The following PCDHGB4 variants were observed in gnomAD, a reference collection of about 807,000 sequenced individuals.
PCDHGB4 encodes the protein protocadherin gamma subfamily B, 4, also known as protocadherin gamma-B4.
Under a neutral mutation model 60.5 loss-of-function variants are expected in PCDHGB4, and 38 were observed. The ratio of observed to expected loss-of-function variants is 0.63; its 90% CI spans 0.48 to 0.82. The LOEUF (loss-of-function observed/expected upper bound fraction) is 0.82, where lower values mean the gene tolerates loss of function less well. PCDHGB4 is among the 40% of genes least tolerant of loss of function. The pLI is 0.00. For missense variants in PCDHGB4, 1,109 were observed against 1,209.6 expected (o/e 0.92, Z 1.23); for synonymous variants, 456 against 509.7 (o/e 0.89, Z 1.42).
At chr5:141,481,524 A>G (rs186970700) in intron 1 of PCDHGB4, among the ~76,000 whole-genome samples, 4 of 152,240 alleles carry the variant, frequency 2.6e-5, no homozygotes, top group African/African-American at 9.6e-5. Flanking sequence ...CTCAGTAAAA[A>G]TCTAGAGATG....
rs188373658 is a variant in PCDHGB4 at position 141,492,228 on chromosome 5, C to T, written c.2398-2579C>T. ...TGCGCGCGGGGCTCATGCGTGTCCT[C>T]CCTGCTGGCCACCCCCACGGCCCAC... On this transcript the variant is annotated intron_variant, in intron 1 of 3. Coordinates refer to ENST00000519479, the MANE Select transcript of PCDHGB4 (RefSeq NM_003736.4). Among the ~76,000 whole-genome samples the T allele has an allele frequency of 5.3e-5, 8 of 152,292 alleles. No individual in the cohort carries two copies. In the East Asian group the frequency reaches 1.2e-3, roughly 22 times the overall value.
At chr5:141,429,647 T>C (rs1430094173) in intron 1 of PCDHGB4, among the ~76,000 whole-genome samples, 2 of 152,272 alleles carry the variant, frequency 1.3e-5, no homozygotes, top group African/African-American at 4.8e-5. Flanking sequence ...TATATATTTC[T>C]TCCCAATTTA....
At chr5:141,461,738 C>A (rs2099021378) in intron 1 of PCDHGB4, among the ~76,000 whole-genome samples, 1 of 150,904 alleles carries the variant, frequency 6.6e-6, no homozygotes. Flanking sequence ...TGGCACAATC[C>A]CGGCTCCCAG....
Position 141,486,786 on chromosome 5 carries a change from G to A in PCDHGB4, c.2398-8021G>A, listed in dbSNP as rs1360545946. The A allele has an allele frequency of 1.9e-6, 3 of 1,614,090 alleles. No individual in the cohort carries two copies. The highest frequency in any genetic ancestry group is 2.2e-5 in the East Asian group (1 of 44,892). ...ACACTGCAGTTTGAGGTGCAGGCCC[G>A]GGATCGGGGCAACCCACCCCTTAGC... is the stretch of plus-strand genomic sequence containing the variant. On this transcript the variant is annotated intron_variant, in intron 1 of 3. Coordinates refer to ENST00000519479, the MANE Select transcript of PCDHGB4 (RefSeq NM_003736.4). This position sits in a 1 kb window ranked among gnomAD's most constrained non-coding sequence, Gnocchi z 5.0.
In PCDHGB4 at chr5:141,500,527, A is replaced by C. The variant is rs937551961; in HGVS notation, c.2457-4866A>C. On this transcript the variant is annotated intron_variant, in intron 2 of 3. Transcript: ENST00000519479. ...CCTGGCCGAGCTTCATTTTAAAAAA[A>C]TCTCATTCACCTAAATAAGTTGTTC... is the stretch of plus-strand genomic sequence containing the variant. 5.9e-5 allele frequency among the ~76,000 whole-genome samples: 9 copies of C among 152,298 alleles called. No individual in the cohort carries two copies. The South Asian group carries it at 6.2e-4, about 11-fold the overall frequency.
chr5:141,439,458 C>T (rs2098114160), intron 1 of PCDHGB4, among the ~76,000 whole-genome samples: 1 of 152,214 alleles, frequency 6.6e-6, no homozygotes, highest in East Asian at 1.9e-4. Flanking sequence ...AGCAAGACTG[C>T]ACTGCTGCCT....
rs759945612 is a variant in PCDHGB4 at position 141,409,754 on chromosome 5, C to T, written c.2397+19473C>T. ...GCAGAGCGGGGTGGTGTTCGCGCAG[C>T]GCGCCTTTGATCACGAGCAGCTGCG... On this transcript the variant is annotated intron_variant, in intron 1 of 3. Coordinates refer to ENST00000519479, the MANE Select transcript of PCDHGB4 (RefSeq NM_003736.4). 3 of 1,612,880 alleles carry T rather than the reference C, an allele frequency of 1.9e-6. No individual in the cohort carries two copies. In the Admixed American group the frequency reaches 5.0e-5, roughly 27 times the overall value.
At chr5:141,396,729 T>C (rs1197764011) in intron 1 of PCDHGB4, 1 of 152,214 alleles carries the variant, frequency 6.6e-6, no homozygotes, top group Non-Finnish European at 1.5e-5. Flanking sequence ...CCTGAATTGA[T>C]TGTTGTAAGG....
intron 1 of PCDHGB4, chr5:141,418,009 C>G (rs780624400): frequency 6.2e-7 from 1 of 1,613,776 alleles, no homozygotes; most frequent in African/African-American, 1.3e-5. Context: ...TGGGGAACCT[C>G]GCTAAGGATC....
chr5:141,494,807 C>A lies in PCDHGB4; in HGVS notation c.2398C>A (p.Gln800Lys), dbSNP rs568448786. Residue 800 changes from glutamine to lysine, a missense_variant and splice_region_variant, in exon 2 of 4, where the codon CAA (glutamine) becomes AAA (lysine). Coordinates refer to ENST00000519479, the MANE Select transcript of PCDHGB4 (RefSeq NM_003736.4). ...CCCTTTCCCTCTGTTTTCTCCACAGCAAGCCCCGCCCAACACGGACTGGCG... is the reference window on the plus strand; with the variant it reads ...CCCTTTCCCTCTGTTTTCTCCACAGAAAGCCCCGCCCAACACGGACTGGCG... ...CNSSELTSHQ[Q>K]APPNTDWRFS... The A allele has an allele frequency of 2.5e-5, 40 of 1,614,144 alleles. No individual in the cohort carries two copies. The South Asian group carries it at 4.0e-4, about 16-fold the overall frequency.
At chr5:141,400,154 T>G in intron 1 of PCDHGB4, 1 of 1,614,076 alleles carries the variant, frequency 6.2e-7, no homozygotes, top group Non-Finnish European at 8.5e-7. Context: ...GACCGCCCTG[T>G]ACCCTCTGAC....
chr5:141,487,826 T>C lies in PCDHGB4; in HGVS notation c.2398-6981T>C, dbSNP rs1321152837. 24 of 1,187,814 alleles carry C rather than the reference T, an allele frequency of 2.0e-5. No homozygotes were observed. The highest frequency in any genetic ancestry group is 2.8e-5 in the Non-Finnish European group (24 of 856,356). The allele number at this position is 1,187,814 out of a possible 1,614,324, so 73.6% of individuals were successfully genotyped here. On this transcript the variant is annotated intron_variant, in intron 1 of 3. Coordinates refer to ENST00000519479, the MANE Select transcript of PCDHGB4 (RefSeq NM_003736.4). The surrounding 1 kb of genome is among the most constrained non-coding windows in gnomAD (Gnocchi z 5.0). ...ACAGTTTAGCATTGGGGGCGGGTCA[T>C]GCCTATATCTGAGTAAGAAATGAAA... is the stretch of plus-strand genomic sequence containing the variant.
chr5:141,422,370 T>G (rs2096643676), intron 1 of PCDHGB4: 1 of 1,566,604 alleles, frequency 6.4e-7, no homozygotes, highest in African/African-American at 1.4e-5. Flanking sequence ...GAGAAAATGG[T>G]CAAGTCTCCT....
At chr5:141,502,140 G>A (rs534984161) in intron 2 of PCDHGB4, among the ~76,000 whole-genome samples, 1 of 152,268 alleles carries the variant, frequency 6.6e-6, no homozygotes, top group South Asian at 2.1e-4. Context: ...CAGTCGGGCC[G>A]GAAGTAAGGA....
chr5:141,394,580 C>G, intron 1 of PCDHGB4: 1 of 1,613,914 alleles, frequency 6.2e-7, no homozygotes, highest in Non-Finnish European at 8.5e-7. Flanking sequence ...ACCTGGTGAC[C>G]AAGGTGGTGG....
At chr5:141,459,427 G>A (rs1489214494) in intron 1 of PCDHGB4, among the ~76,000 whole-genome samples, 2 of 152,228 alleles carry the variant, frequency 1.3e-5, no homozygotes, top group Non-Finnish European at 2.9e-5. Flanking sequence ...ATATCACAAT[G>A]TGTTCATTCA....
chr5:141,443,436 T>A (rs1435598893), intron 1 of PCDHGB4, among the ~76,000 whole-genome samples: 1 of 152,132 alleles, frequency 6.6e-6, no homozygotes, highest in Admixed American at 6.6e-5. Context: ...CAGTGAGCTG[T>A]GGTTGCGCTC....
intron 1 of PCDHGB4, among the ~76,000 whole-genome samples, chr5:141,468,216 T>C (rs2099160325): frequency 6.6e-6 from 1 of 150,794 alleles, no homozygotes. Flanking sequence ...TTCCAGCTAC[T>C]TGGGAGGATG....
Position 141,397,950 on chromosome 5 carries a change from G to T in PCDHGB4, c.2397+7669G>T, listed in dbSNP as rs142142786. 7.7e-4 allele frequency: 722 copies of T among 938,408 alleles called. 6 individuals carry two copies. The African/African-American group carries it at 0.01, about 13-fold the overall frequency. 58.1% of individuals were successfully genotyped at this position (938,408 alleles called of 1,614,324 possible). A position where few individuals can be genotyped will look rare whatever the true frequency, so the allele number is the denominator to read the frequency against. On this transcript the variant is annotated intron_variant, in intron 1 of 3. Transcript: ENST00000519479. ...CAGCCGCAGCGCGCTTTCCAGGGCA[G>T]CCCCAGCTCAGACTCCCCAGCGCCG... is the stretch of plus-strand genomic sequence containing the variant.
Sources: gnomAD v4.1 joint callset for allele counts (sites outside exome capture counted in the v4.1 genomes callset) on GRCh38, gnomAD v4.1.1 for gene constraint, Gnocchi (gnomAD v3.1) non-coding constraint, MANE v1.5 for transcripts, NCBI Gene and HGNC (gene_info 2026-07-23, HGNC 2026-07-21) for gene names.